The following TFB1M variants were observed in gnomAD, a reference collection of about 807,000 sequenced individuals.
TFB1M encodes the protein transcription factor B1, mitochondrial, also known as dimethyladenosine transferase 1, mitochondrial.
TFB1M carries 27 observed loss-of-function variants against 31.1 expected under a neutral mutation model. That is an observed-to-expected ratio of 0.87 (90% CI 0.64 to 1.20). The LOEUF (loss-of-function observed/expected upper bound fraction) is 1.20, where lower values mean the gene tolerates loss of function less well. Ranked by LOEUF, TFB1M falls within the 50% of genes most tolerant of loss-of-function variation. The pLI, the probability that TFB1M is intolerant of heterozygous loss-of-function variation, is 0.00. For synonymous variants in TFB1M, 166 were observed against 151.8 expected (o/e 1.09, Z -0.69); for missense variants, 394 against 418.7 (o/e 0.94, Z 0.51).
chr6:155,310,158 T>C (rs1481066182), intron 2 of TFB1M, among the ~76,000 whole-genome samples: 1 of 152,214 alleles, frequency 6.6e-6, no homozygotes, highest in Non-Finnish European at 1.5e-5. Flanking sequence ...TATGAGAATA[T>C]ACTCGTTTAA....
At position 155,285,183 on chromosome 6, in the gene TFB1M, C is replaced by T; in HGVS notation, c.641G>A (p.Gly214Glu). The change falls in exon 5 of 7, where the codon GGA becomes GAA. Residue 214 changes from glycine to glutamate, a missense_variant. Transcript: ENST00000367166. ...CTCTGGTTTGGGGACAAAAGCTTGT[C>T]CTGGAATCGTAAAGATGTGTCGAAC... ...CNVRHIFTIPGQAFVPKPEVD... is the reference protein window; with the variant it reads ...CNVRHIFTIPEQAFVPKPEVD... 3.1e-6 allele frequency: 5 copies of T among 1,613,998 alleles called. No individual in the cohort carries two copies. Among genetic ancestry groups the T allele is most frequent in the Non-Finnish European group, 4.2e-6 (5 of 1,179,908 alleles).
intron 5 of TFB1M, 86 bp downstream of exon 5, chr6:155,285,072 A>G: frequency 6.4e-7 from 1 of 1,554,172 alleles, no homozygotes; most frequent in Non-Finnish European, 8.9e-7. Context: ...CAAAGGTTAG[A>G]TCCTAGAGGT....
chr6:155,256,329 G>C lies in TFB1M; in HGVS notation c.*1507C>G. On this transcript the variant is annotated 3_prime_UTR_variant, in exon 7 of 7. Transcript: ENST00000367166. ...GTCAAAAATGTCCATGTTTTCAGTAGCTACATTTTTGCCTAATTACCAGGA... is the reference window on the plus strand; with the variant it reads ...GTCAAAAATGTCCATGTTTTCAGTACCTACATTTTTGCCTAATTACCAGGA... The C allele has an allele frequency of 9.3e-7, 1 of 1,079,002 alleles. No individual in the cohort carries two copies. The highest frequency in any genetic ancestry group is 1.3e-6 in the Non-Finnish European group (1 of 761,746). 66.8% of individuals were successfully genotyped at this position (1,079,002 alleles called of 1,614,324 possible). A position where few individuals can be genotyped will look rare whatever the true frequency, so the allele number is the denominator to read the frequency against.
the TFB1M span, among the ~76,000 whole-genome samples, chr6:155,235,007 G>A: frequency 1.7e-5 from 2 of 117,926 alleles, no homozygotes; most frequent in African/African-American, 2.6e-5. Flanking sequence ...AGCTAGAGAT[G>A]GAGCACAGCT....
chr6:155,256,353 G>C lies in TFB1M; in HGVS notation c.*1483C>G. ...AGCTACATTTTTGCCTAATTACCAG[G>C]ATAGTTGCTAACTGAAGTCATATCA... On this transcript the variant is annotated 3_prime_UTR_variant, in exon 7 of 7. Coordinates refer to ENST00000367166, the MANE Select transcript of TFB1M (RefSeq NM_016020.4). 1 of 1,361,720 alleles carries C rather than the reference G, an allele frequency of 7.3e-7. No homozygotes were observed. The highest frequency in any genetic ancestry group is 1.0e-6 in the Non-Finnish European group (1 of 1,004,868). The allele number at this position is 1,361,720 out of a possible 1,614,324, so 84.4% of individuals were successfully genotyped here. A position where few individuals can be genotyped will look rare whatever the true frequency, so the allele number is the denominator to read the frequency against.
At chr6:155,312,111 T>G (rs1315328506) in intron 1 of TFB1M, among the ~76,000 whole-genome samples, 4 of 152,146 alleles carry the variant, frequency 2.6e-5, no homozygotes, top group African/African-American at 7.2e-5. Flanking sequence ...GATATGGAAA[T>G]CCAAGGAACT....
At chr6:155,235,025 GAGCAC>G in the TFB1M span, among the ~76,000 whole-genome samples, 1 of 151,650 alleles carries the variant, frequency 6.6e-6, no homozygotes, top group Non-Finnish European at 1.5e-5. Context: ...GCTAGAGACA[GAGCAC>G]AGCTAGAGAG....
Position 155,257,991 on chromosome 6 carries a change from A to C in TFB1M, c.886T>G (p.Ser296Ala), listed in dbSNP as rs201415081. The C allele has an allele frequency of 1.2e-6, 2 of 1,614,222 alleles. No individual in the cohort carries two copies. ...CAGAGGCTCTTAAAGTGTGAGATGG[A>C]GAGCTGGCGGGGCCGAAGAGTAGGG... is the stretch of plus-strand genomic sequence containing the variant. ...IDPTLRPRQLSISHFKSLCDV... is the reference protein window; with the variant it reads ...IDPTLRPRQLAISHFKSLCDV... Residue 296 changes from serine to alanine, a missense_variant, in exon 7 of 7, where the codon TCC (serine) becomes GCC (alanine). By Grantham distance (99) the Ser-to-Ala change is moderately conservative. This residue lies in a region of TFB1M where 115 missense variants were observed against 144.1 expected (regional missense o/e 0.80). Coordinates refer to ENST00000367166, the MANE Select transcript of TFB1M (RefSeq NM_016020.4).
intron 2 of TFB1M, among the ~76,000 whole-genome samples, chr6:155,305,481 T>TC: frequency 4.6e-5 from 1 of 21,878 alleles, no homozygotes; most frequent in South Asian, 3.5e-3. Flanking sequence ...ATATATTAAA[T>TC]TATATATATA....
At chr6:155,313,909 G>A (rs1778126840) in intron 1 of TFB1M, among the ~76,000 whole-genome samples, 1 of 152,144 alleles carries the variant, frequency 6.6e-6, no homozygotes, top group Non-Finnish European at 1.5e-5. Flanking sequence ...TTAAATTCTG[G>A]TAACTTTAAA....
chr6:155,272,980 AAG>A (rs1267001850), intron 5 of TFB1M, among the ~76,000 whole-genome samples: 3 of 152,220 alleles, frequency 2.0e-5, no homozygotes, highest in African/African-American at 7.2e-5. Flanking sequence ...AGTAGAAAGA[AAG>A]AGAGAGGGAG....
intron 2 of TFB1M, among the ~76,000 whole-genome samples, chr6:155,300,533 T>C (rs1370288954): frequency 2.0e-5 from 3 of 152,226 alleles, no homozygotes; most frequent in East Asian, 1.9e-4. Context: ...ATTTTTTCTA[T>C]AATTATGTTC....
chr6:155,258,016 G>A lies in TFB1M; in HGVS notation c.861C>T (p.Asp287=), dbSNP rs747549399. 1.2e-6 allele frequency: 2 copies of A among 1,614,192 alleles called. No homozygotes were observed. Among genetic ancestry groups the A allele is most frequent in the East Asian group, 2.2e-5 (1 of 44,890 alleles). Reference sequence around the variant, plus strand: ...AGAGCTGGCGGGGCCGAAGAGTAGGGTCTATGTCTGCCAACTCTAACAGCC... The same window carrying A: ...AGAGCTGGCGGGGCCGAAGAGTAGGATCTATGTCTGCCAACTCTAACAGCC... ...TGRLLELADI[D]PTLRPRQLSI... is the part of the protein sequence containing the mutation. The change falls in exon 7 of 7, where the codon GAC becomes GAT. Residue 287 remains aspartate (D), a synonymous_variant. Transcript: ENST00000367166.
chr6:155,298,421 T>G, intron 3 of TFB1M, 56 bp downstream of exon 3: 1 of 890,216 alleles, frequency 1.1e-6, no homozygotes, highest in South Asian at 1.3e-5. Context: ...AAAATGAACA[T>G]TTGTGATATA....
chr6:155,249,932 A>C, the TFB1M span: 2 of 1,614,124 alleles, frequency 1.2e-6, no homozygotes, highest in South Asian at 2.2e-5. Context: ...ACCGTGTTTG[A>C]CCAGCTAGTA....
At chr6:155,289,846 C>T (rs544293319) in intron 4 of TFB1M, among the ~76,000 whole-genome samples, 3 of 152,220 alleles carry the variant, frequency 2.0e-5, no homozygotes, top group Non-Finnish European at 4.4e-5. Context: ...CCCTCTTGCA[C>T]GACAGTGAGT....
chr6:155,294,047 T>C (rs1362877541), intron 4 of TFB1M, among the ~76,000 whole-genome samples: 1 of 152,160 alleles, frequency 6.6e-6, no homozygotes, highest in Non-Finnish European at 1.5e-5. Flanking sequence ...ATCAGACCAA[T>C]GCTTATATGA....
intron 5 of TFB1M, among the ~76,000 whole-genome samples, chr6:155,284,172 A>C (rs1403230028): frequency 6.6e-6 from 1 of 152,264 alleles, no homozygotes; most frequent in Non-Finnish European, 1.5e-5. Flanking sequence ...TGAAGGTGGC[A>C]GCAAAGAGCA....
At chr6:155,250,991 G>A in the TFB1M span, 1 of 1,614,162 alleles carries the variant, frequency 6.2e-7, no homozygotes, top group Non-Finnish European at 8.5e-7. Context: ...TCTAGGAAAA[G>A]CTAGAAAGGA....
Sources: allele counts gnomAD v4.1 joint callset (sites outside exome capture counted in the v4.1 genomes callset), GRCh38; gene constraint gnomAD v4.1.1; regional missense constraint gnomAD v4.1.1; transcripts MANE v1.5; gene names NCBI Gene and HGNC (gene_info 2026-07-23, HGNC 2026-07-21).